TRAPPC9: variants seen among roughly 807,000 people sequenced by gnomAD.
TRAPPC9 encodes trafficking protein particle complex subunit 9, also known as IKK2 binding protein.
TRAPPC9 carries 83 observed loss-of-function variants against 124.0 expected under a neutral mutation model. The ratio of observed to expected loss-of-function variants is 0.67; its 90% confidence interval spans 0.56 to 0.80. TRAPPC9 has a LOEUF of 0.80. Among genes scored for constraint, TRAPPC9 ranks in the 30% least tolerant of loss-of-function variants. The pLI, the probability that TRAPPC9 is intolerant of heterozygous loss-of-function variation, is 0.00. For missense variants in TRAPPC9, 1,302 were observed against 1,508.3 expected (o/e 0.86, Z 2.27); for synonymous variants, 638 against 617.5 (o/e 1.03, Z -0.49).
rs1361625905 is a variant in TRAPPC9 at position 140,145,524 on chromosome 8, A to G, written c.2556+75935T>C. Among the ~76,000 whole-genome samples, 3 of 152,310 alleles carry G rather than the reference A, an allele frequency of 2.0e-5. No individual in the cohort carries two copies. The East Asian group carries it at 5.8e-4, about 29-fold the overall frequency. On this transcript the variant is annotated intron_variant, in intron 17 of 22. Coordinates refer to ENST00000438773, the MANE Select transcript of TRAPPC9 (RefSeq NM_001160372.4). ...GGTGAACTTTACTGAATTATTCTGTAACAATTTAAATTATTTTTTCCTCAA... is the reference window on the plus strand; with the variant it reads ...GGTGAACTTTACTGAATTATTCTGTGACAATTTAAATTATTTTTTCCTCAA...
intron 17 of TRAPPC9, among the ~76,000 whole-genome samples, chr8:140,174,823 C>A (rs1049158536): frequency 6.6e-6 from 1 of 152,178 alleles, no homozygotes; most frequent in Admixed American, 6.5e-5. Context: ...AGCTGACGGG[C>A]ATTTCGGTTG....
chr8:140,088,254 T>C (rs73725396), intron 17 of TRAPPC9, among the ~76,000 whole-genome samples: 11 of 152,308 alleles, frequency 7.2e-5, no homozygotes, highest in African/African-American at 2.6e-4. Context: ...CAATTGTATT[T>C]CCAGTGTCCC....
intron 21 of TRAPPC9, among the ~76,000 whole-genome samples, chr8:139,756,113 C>T (rs1267792181): frequency 5.1e-5 from 5 of 97,856 alleles, no homozygotes; most frequent in Non-Finnish European, 9.7e-5. Flanking sequence ...ACAGGAGGAG[C>T]CAGGGATTAG....
chr8:140,425,190 A>C (rs146946549), intron 5 of TRAPPC9, among the ~76,000 whole-genome samples: 1 of 152,382 alleles, frequency 6.6e-6, no homozygotes, highest in East Asian at 1.9e-4. Context: ...AGCAGAGGCC[A>C]GAAGGCATTA....
At chr8:140,122,427 G>T (rs1184070615) in intron 17 of TRAPPC9, among the ~76,000 whole-genome samples, 1 of 152,200 alleles carries the variant, frequency 6.6e-6, no homozygotes, top group Non-Finnish European at 1.5e-5. Context: ...CACTACATTT[G>T]TGACAAGTTG....
At chr8:140,100,548 C>G (rs2060559093) in intron 17 of TRAPPC9, 3 of 152,386 alleles carry the variant, frequency 2.0e-5, no homozygotes, top group African/African-American at 7.2e-5. Context: ...GGCTCTGGCG[C>G]AGACTGCAGC....
intron 20 of TRAPPC9, among the ~76,000 whole-genome samples, chr8:139,897,295 G>A (rs1287170264): frequency 6.6e-6 from 1 of 152,200 alleles, no homozygotes; most frequent in Admixed American, 6.5e-5. Context: ...TGAGGTCCAG[G>A]GGCTGGGGCT....
intron 17 of TRAPPC9, among the ~76,000 whole-genome samples, chr8:140,172,622 C>G (rs1413037901): frequency 6.6e-6 from 1 of 152,134 alleles, no homozygotes; most frequent in Non-Finnish European, 1.5e-5. Context: ...ATGAGAGCTA[C>G]GATCGCAGCA....
intron 19 of TRAPPC9, among the ~76,000 whole-genome samples, chr8:139,958,991 ACTGCATTCCGAGTCACACGGGGGAGGC>A (rs1835193346): frequency 4.2e-4 from 14 of 33,618 alleles, no homozygotes; most frequent in South Asian, 9.8e-4. Context: ...ACGGGGGAGC[ACTGCATTCCGAGTCACACGGGGGAGGC>A]CTGCATTCCG....
At chr8:140,048,017 G>A (rs1201831476) in intron 17 of TRAPPC9, among the ~76,000 whole-genome samples, 1 of 152,254 alleles carries the variant, frequency 6.6e-6, no homozygotes, top group Non-Finnish European at 1.5e-5. Context: ...TGGGCCAGCT[G>A]CATCTTCACA....
intron 17 of TRAPPC9, among the ~76,000 whole-genome samples, chr8:140,033,580 T>G (rs542156130): frequency 6.9e-6 from 1 of 144,470 alleles, no homozygotes; most frequent in Non-Finnish European, 1.5e-5. Flanking sequence ...CAGGGAAATC[T>G]CCAAAAAGTT....
chr8:140,422,392 A>G (rs2070248161), intron 5 of TRAPPC9, among the ~76,000 whole-genome samples: 1 of 152,236 alleles, frequency 6.6e-6, no homozygotes, highest in Non-Finnish European at 1.5e-5. Context: ...AAATGAAAAG[A>G]TAACACACAG....
chr8:140,273,123 G>A (rs75562365), intron 15 of TRAPPC9, among the ~76,000 whole-genome samples: 1,877 of 152,272 alleles, frequency 0.012, 26 homozygotes, highest in African/African-American at 0.041. Flanking sequence ...TGGGTGCCCC[G>A]AGCTGAGACT....
intron 9 of TRAPPC9, among the ~76,000 whole-genome samples, chr8:140,336,857 T>C (rs2067056249): frequency 6.6e-6 from 1 of 152,108 alleles, no homozygotes; most frequent in African/African-American, 2.4e-5. Context: ...GAATTCCACA[T>C]GTGATAAACT....
At chr8:140,192,352 C>G (rs1362450978) in intron 17 of TRAPPC9, among the ~76,000 whole-genome samples, 1 of 152,206 alleles carries the variant, frequency 6.6e-6, no homozygotes, top group African/African-American at 2.4e-5. Flanking sequence ...TGCCATATTC[C>G]ATGGCATGAT....
intron 17 of TRAPPC9, among the ~76,000 whole-genome samples, chr8:140,045,498 G>A (rs886374567): frequency 4.6e-5 from 7 of 151,858 alleles, no homozygotes; most frequent in African/African-American, 1.5e-4. Flanking sequence ...GTGGCGGCAC[G>A]CACCTGTAGT....
Position 139,731,154 on chromosome 8 carries a change from G to A in TRAPPC9, c.3354C>T (p.Ile1118=), listed in dbSNP as rs1418742586. Reference sequence around the variant, plus strand: ...TGCTGGTGCTGTCCTCGTGGAACCGGATGTGGAGGAAGAAGTCTCCCGTGT... The same window carrying A: ...TGCTGGTGCTGTCCTCGTGGAACCGAATGTGGAGGAAGAAGTCTCCCGTGT... ...FLYTGDFFLH[I]RFHEDSTSKE... The change falls in exon 23 of 23, where the codon ATC becomes ATT. Residue 1118 remains isoleucine, a synonymous_variant. Coordinates refer to ENST00000438773, the MANE Select transcript of TRAPPC9 (RefSeq NM_001160372.4). 1.9e-6 allele frequency: 3 copies of A among 1,614,024 alleles called. No homozygotes were observed. In the East Asian group the frequency reaches 6.7e-5, roughly 36 times the overall value.
chr8:140,301,129 G>C (rs1221903903), intron 10 of TRAPPC9, among the ~76,000 whole-genome samples: 1 of 152,214 alleles, frequency 6.6e-6, no homozygotes, highest in Non-Finnish European at 1.5e-5. Context: ...CCCACAGCAA[G>C]TGGCAGCCAG....
intron 5 of TRAPPC9, among the ~76,000 whole-genome samples, chr8:140,417,994 A>C (rs578212959): frequency 1.3e-5 from 2 of 152,296 alleles, no homozygotes; most frequent in South Asian, 4.1e-4. Flanking sequence ...TCTCACTCAT[A>C]AGTGGGAGCT....
Sources: gnomAD v4.1 joint callset for allele counts (sites outside exome capture counted in the v4.1 genomes callset) on GRCh38, gnomAD v4.1.1 for gene constraint, MANE v1.5 for transcripts, NCBI Gene and HGNC (gene_info 2026-07-23, HGNC 2026-07-21) for gene names.